Variants in SSPN observed in about 807,000 individuals in gnomAD.
SSPN encodes the protein K-ras oncogene-associated protein.
A neutral mutation model predicts 19.1 loss-of-function variants in SSPN; 15 were observed. The observed-to-expected ratio is 0.78, with a 90% confidence interval of 0.52 to 1.21. The LOEUF (loss-of-function observed/expected upper bound fraction) is 1.21, where lower values mean the gene tolerates loss of function less well. Ranked by LOEUF, SSPN falls within the 50% of genes most tolerant of loss-of-function variation. The probability of loss-of-function intolerance (pLI) is 0.00; values close to 1 mark genes in which losing one functional copy is unlikely to be tolerated. For synonymous variants in SSPN, 147 were observed against 140.3 expected (o/e 1.05, Z -0.34); for missense variants, 291 against 314.0 (o/e 0.93, Z 0.55).
chr12:26,135,807 T>C (rs1429674483), intron 1 of SSPN, among the ~76,000 whole-genome samples: 1 of 152,198 alleles, frequency 6.6e-6, no homozygotes, highest in Non-Finnish European at 1.5e-5. Context: ...TGCTCAACAT[T>C]CCTGCATTGC....
chr12:26,123,977 C>G, intron 1 of SSPN: 2 of 960,476 alleles, frequency 2.1e-6, no homozygotes, highest in Non-Finnish European at 3.3e-6. Context: ...AAGTCAGGAA[C>G]TTATATTTAC....
At chr12:26,167,323 C>T (rs1437740185) in intron 1 of SSPN, among the ~76,000 whole-genome samples, 1 of 151,934 alleles carries the variant, frequency 6.6e-6, no homozygotes, top group African/African-American at 2.4e-5. Context: ...GTTTATGCTA[C>T]CTACATATTA....
At chr12:26,155,237 A>T (rs998017658) in intron 1 of SSPN, among the ~76,000 whole-genome samples, 1 of 152,238 alleles carries the variant, frequency 6.6e-6, no homozygotes, top group African/African-American at 2.4e-5. Context: ...AATAATAGTG[A>T]ATCACAAGTT....
In SSPN at chr12:26,167,965, G is replaced by A. The variant is rs150058035; in HGVS notation, c.-31+45813G>A. Among the ~76,000 whole-genome samples, 50 of 152,296 alleles carry A rather than the reference G, an allele frequency of 3.3e-4. No homozygotes were observed. In the East Asian group the frequency reaches 9.1e-3, roughly 28 times the overall value. ...ATGGTGGCTTACAGCTGTAATCCCAGCATTTTGGGAGGCTGAGGTGGGAGG... is the reference window on the plus strand; with the variant it reads ...ATGGTGGCTTACAGCTGTAATCCCAACATTTTGGGAGGCTGAGGTGGGAGG... On this transcript the variant is annotated intron_variant, in intron 1 of 2. Coordinates refer to the SSPN transcript ENST00000538142.
rs1944821691 is a variant in SSPN, at chr12:26,195,715, G to T, written c.43G>T (p.Gly15Cys). 1.4e-6 allele frequency: 2 copies of T among 1,440,676 alleles called. No homozygotes were observed. The highest frequency in any genetic ancestry group is 2.6e-5 in the Admixed American group (1 of 38,236). 89.2% of individuals were successfully genotyped at this position (1,440,676 alleles called of 1,614,324 possible). A position where few individuals can be genotyped will look rare whatever the true frequency, so the allele number is the denominator to read the frequency against. ...GCCACGCGGCCAGCAGAGGCAGGGG[G>T]GCCCGCCGGCCGCGGACGCCGCTGG... ...KQPRGQQRQG[G>C]PPAADAAGPD... The change falls in exon 1 of 3, where the codon GGC (glycine) becomes TGC (cysteine). Residue 15 changes from glycine (G) to cysteine (C), a missense_variant. Physicochemically the swap from Gly to Cys is radical, Grantham distance 159. Around this residue, in one of 3 missense-constraint regions of SSPN, gnomAD observed 139 missense variants for 119.6 expected, o/e 1.16. Transcript: ENST00000242729.
intron 1 of SSPN, among the ~76,000 whole-genome samples, chr12:26,169,637 C>A (rs1591859618): frequency 6.6e-6 from 1 of 151,880 alleles, no homozygotes; most frequent in Non-Finnish European, 1.5e-5. Flanking sequence ...CCTTTCAGGA[C>A]AGCCAGGCTA....
intron 1 of SSPN, among the ~76,000 whole-genome samples, chr12:26,205,699 G>A (rs1439354369): frequency 1.3e-5 from 2 of 152,222 alleles, no homozygotes; most frequent in Non-Finnish European, 1.5e-5. Context: ...ACCCAAGGCA[G>A]TGAAGAGGGC....
In SSPN at chr12:26,234,165, A is replaced by G. The variant is rs1213319360; in HGVS notation, c.*3089A>G. The G allele has an allele frequency of 6.6e-6, 1 of 152,192 alleles. No homozygotes were observed. The highest frequency in any genetic ancestry group is 2.4e-5 in the African/African-American group (1 of 41,448). 9.4% of individuals were successfully genotyped at this position (152,192 alleles called of 1,614,324 possible). A position where few individuals can be genotyped will look rare whatever the true frequency, so the allele number is the denominator to read the frequency against. Reference sequence around the variant, plus strand: ...AGGGCATGAGAATCTTAATATTCTTATACTTCCCTTTTTGCATGCAGTATG... The same window carrying G: ...AGGGCATGAGAATCTTAATATTCTTGTACTTCCCTTTTTGCATGCAGTATG... On this transcript the variant is annotated 3_prime_UTR_variant, in exon 3 of 3. Transcript: ENST00000242729.
At chr12:26,194,688 CAAA>C (rs1031203137), upstream of SSPN, among the ~76,000 whole-genome samples, 5 of 152,190 alleles carry the variant, frequency 3.3e-5, no homozygotes, top group African/African-American at 1.2e-4. Context: ...CTTTTAAAAA[CAAA>C]TACACGTGAG....
intron 1 of SSPN, among the ~76,000 whole-genome samples, chr12:26,144,855 G>A (rs929083421): frequency 3.9e-5 from 6 of 152,140 alleles, no homozygotes; most frequent in Admixed American, 6.6e-5. Context: ...TATATTATTC[G>A]TAGTCTAAAT....
Position 26,218,795 on chromosome 12 carries a change from T to C in SSPN, c.280-5498T>C, listed in dbSNP as rs1945087993. On this transcript the variant is annotated intron_variant, in intron 1 of 2. Coordinates refer to ENST00000242729, the MANE Select transcript of SSPN (RefSeq NM_005086.5). ...TGTGTTAACAGTCCTCCTAAGACTATCCTCAATTAACAGACTGTAACATAT... is the reference window on the plus strand; with the variant it reads ...TGTGTTAACAGTCCTCCTAAGACTACCCTCAATTAACAGACTGTAACATAT... Among the ~76,000 whole-genome samples the C allele has an allele frequency of 2.0e-5, 3 of 152,258 alleles. No individual in the cohort carries two copies. In the South Asian group the frequency reaches 6.2e-4, roughly 31 times the overall value.
chr12:26,178,679 G>A (rs919555169), intron 1 of SSPN, among the ~76,000 whole-genome samples: 6 of 152,200 alleles, frequency 3.9e-5, no homozygotes, highest in African/African-American at 1.4e-4. Context: ...GCAGACACGT[G>A]CCTCAGCAGC....
Position 26,197,785 on chromosome 12 carries a change from C to T in SSPN, c.279+1834C>T, listed in dbSNP as rs149255425. Among the ~76,000 whole-genome samples the T allele has an allele frequency of 2.6e-3, 392 of 152,278 alleles. 4 individuals are homozygous for T. The highest frequency in any genetic ancestry group is 9.1e-3 in the African/African-American group (380 of 41,548). On this transcript the variant is annotated intron_variant, in intron 1 of 2. Coordinates refer to ENST00000242729, the MANE Select transcript of SSPN (RefSeq NM_005086.5). ...TCTTTCTGGTTTTCTTTTTTATCAT[C>T]TAGGATTCATTTGAAGTTTGCTCTC...
rs114786819 is a variant in SSPN at position 26,177,888 on chromosome 12, G to A, written c.-30-46405G>A. On this transcript the variant is annotated intron_variant, in intron 1 of 2. Coordinates refer to the SSPN transcript ENST00000538142. ...TGTATCATGACTGCTCATCTCTAAC[G>A]TCCACTAACGACAGCCCTAGTTGTT... Among the ~76,000 whole-genome samples the A allele has an allele frequency of 5.7e-3, 868 of 152,180 alleles. 10 individuals are homozygous for A. Among genetic ancestry groups the A allele is most frequent in the African/African-American group, 0.02 (813 of 41,520 alleles).
At chr12:26,203,930 C>T (rs1944907978) in intron 1 of SSPN, among the ~76,000 whole-genome samples, 1 of 152,144 alleles carries the variant, frequency 6.6e-6, no homozygotes, top group African/African-American at 2.4e-5. Flanking sequence ...TCTTCCTCTT[C>T]TCATGAATCC....
intron 1 of SSPN, among the ~76,000 whole-genome samples, chr12:26,142,406 G>A (rs1299136018): frequency 4.6e-5 from 7 of 152,244 alleles, no homozygotes; most frequent in East Asian, 1.9e-4. Flanking sequence ...TTAGAGGTGC[G>A]TTCCATGGGA....
intron 2 of SSPN, among the ~76,000 whole-genome samples, chr12:26,228,900 C>CT (rs1245945708): frequency 6.6e-6 from 1 of 152,070 alleles, no homozygotes; most frequent in Admixed American, 6.5e-5. Flanking sequence ...AATCTCAATA[C>CT]TTTGGGAGGC....
chr12:26,200,796 G>A (rs73292995), intron 1 of SSPN, among the ~76,000 whole-genome samples: 12,359 of 151,218 alleles, frequency 0.082, 969 homozygotes, highest in African/African-American at 0.2. Context: ...ATATAATGTC[G>A]CATCCCTGGT....
chr12:26,177,729 G>T (rs112358148), intron 1 of SSPN, among the ~76,000 whole-genome samples: 1 of 152,080 alleles, frequency 6.6e-6, no homozygotes, highest in Non-Finnish European at 1.5e-5. Flanking sequence ...CTAGTCTGGA[G>T]ATCCTAAGTG....
Sources: allele counts gnomAD v4.1 joint callset (sites outside exome capture counted in the v4.1 genomes callset), GRCh38; gene constraint gnomAD v4.1.1; regional missense constraint gnomAD v4.1.1; transcripts MANE v1.5; gene names NCBI Gene and HGNC (gene_info 2026-07-23, HGNC 2026-07-21).